The following DTNA variants were observed in gnomAD, a reference collection of about 807,000 sequenced individuals.
The protein encoded by DTNA is dystrophin-related protein 3.
A neutral mutation model predicts 100.7 loss-of-function variants in DTNA; 43 were observed. The ratio of observed to expected loss-of-function variants is 0.43; its 90% CI spans 0.33 to 0.55. DTNA has a LOEUF of 0.55. DTNA is among the 20% of genes least tolerant of loss of function. DTNA has a pLI of 0.04. For synonymous variants in DTNA, 349 were observed against 347.9 expected, an observed-to-expected ratio of 1.00 and a Z score of -0.04; for missense variants, 798 against 953.9, an observed-to-expected ratio of 0.84 and a Z score of 2.15.
At chr18:34,881,437 C>CTTTTTTTT (rs752828928) in intron 20 of DTNA, among the ~76,000 whole-genome samples, 26 of 51,400 alleles carry the variant, frequency 5.1e-4, no homozygotes, top group African/African-American at 1.8e-3. Flanking sequence ...AATTAAAATG[C>CTTTTTTTT]TTTTTTTTTT....
At chr18:34,807,646 A>C (rs949408546) in intron 5 of DTNA, among the ~76,000 whole-genome samples, 1 of 152,140 alleles carries the variant, frequency 6.6e-6, no homozygotes, top group African/African-American at 2.4e-5. Flanking sequence ...TCAGGTAGCC[A>C]CACAGCTTCC....
chr18:34,633,911 T>C (rs1390606525), intron 1 of DTNA, among the ~76,000 whole-genome samples: 1 of 152,202 alleles, frequency 6.6e-6, no homozygotes, highest in Non-Finnish European at 1.5e-5. Context: ...AGGAATAATA[T>C]CAATTTAATG....
intron 11 of DTNA, among the ~76,000 whole-genome samples, chr18:34,834,732 T>G (rs1292359432): frequency 6.6e-6 from 1 of 152,136 alleles, no homozygotes; most frequent in Non-Finnish European, 1.5e-5. Context: ...GAGTGAGACC[T>G]CACTCATTGC....
chr18:34,532,770 A>ATATATGTG (rs142935223), intron 1 of DTNA, among the ~76,000 whole-genome samples: 5 of 149,842 alleles, frequency 3.3e-5, no homozygotes, highest in Admixed American at 1.3e-4. Flanking sequence ...ATATATATAT[A>ATATATGTG]TGTGTGTGTG....
At chr18:34,767,269 G>T (rs1018526421) in intron 3 of DTNA, among the ~76,000 whole-genome samples, 4 of 152,048 alleles carry the variant, frequency 2.6e-5, no homozygotes, top group South Asian at 2.1e-4. Context: ...GTCTCTAGAA[G>T]ATGTTTCCTA....
In DTNA at chr18:34,761,798, C is replaced by T. The variant is rs1351358016; in HGVS notation, c.68-4163C>T. 2.6e-5 allele frequency among the ~76,000 whole-genome samples: 4 copies of T among 151,914 alleles called. No individual in the cohort carries two copies. In the South Asian group the frequency reaches 8.3e-4, roughly 32 times the overall value. Reference sequence around the variant, plus strand: ...TATCTCAACTCTTAATTATGTATGCCATCCCCCACTGTATTAGTATGAAGC... The same window carrying T: ...TATCTCAACTCTTAATTATGTATGCTATCCCCCACTGTATTAGTATGAAGC... On this transcript the variant is annotated intron_variant, in intron 2 of 22. Coordinates refer to ENST00000444659, the MANE Select transcript of DTNA (RefSeq NM_001386795.1).
In DTNA at chr18:34,829,402, T is replaced by C. The variant is rs546236565; in HGVS notation, c.1088T>C (p.Leu363Ser). The part of the protein sequence containing the change: ...SSGSPFITRR[L>S]PEGISASSPV... Reference sequence around the variant, plus strand: ...GTCTCATTGTTTGACTCCCTCAGGTTACCTGAGGGAATAAGTGCATCCAGC... The same window carrying C: ...GTCTCATTGTTTGACTCCCTCAGGTCACCTGAGGGAATAAGTGCATCCAGC... The change falls in exon 11 of 23, where the codon TTA (leucine) becomes TCA (serine). Residue 363 changes from leucine to serine, a missense_variant and splice_region_variant. Physicochemically the swap from Leu to Ser is moderately radical, Grantham distance 145. Coordinates refer to ENST00000444659, the MANE Select transcript of DTNA (RefSeq NM_001386795.1). 2.0e-4 allele frequency: 308 copies of C among 1,535,004 alleles called. No homozygotes were observed. The African/African-American group carries it at 3.6e-3, about 18-fold the overall frequency.
intron 21 of DTNA, among the ~76,000 whole-genome samples, chr18:34,883,368 G>A (rs911948354): frequency 1.3e-5 from 2 of 151,340 alleles, no homozygotes; most frequent in African/African-American, 4.9e-5. Context: ...CTGGAGTGCA[G>A]TTGCCCAATC....
At chr18:34,735,260 C>T (rs2089304364) in intron 1 of DTNA, among the ~76,000 whole-genome samples, 1 of 152,160 alleles carries the variant, frequency 6.6e-6, no homozygotes, top group South Asian at 2.1e-4. Flanking sequence ...TTGCTGGCAG[C>T]TGATTAGATT....
chr18:34,503,750 A>T, intron 1 of DTNA, among the ~76,000 whole-genome samples: 1 of 148,856 alleles, frequency 6.7e-6, no homozygotes, highest in Non-Finnish European at 1.5e-5. Context: ...TTTTCCTACC[A>T]TCCTGTTATT....
At chr18:34,623,695 C>CTATG (rs1343615325) in intron 1 of DTNA, among the ~76,000 whole-genome samples, 20 of 152,172 alleles carry the variant, frequency 1.3e-4, no homozygotes, top group African/African-American at 4.8e-4. Context: ...AGGCGGTGTG[C>CTATG]TATGTCCTGG....
At chr18:34,722,630 C>T (rs2085609511) in intron 1 of DTNA, among the ~76,000 whole-genome samples, 2 of 151,698 alleles carry the variant, frequency 1.3e-5, no homozygotes, top group East Asian at 1.9e-4. Flanking sequence ...CACACACACA[C>T]ATATCCTAAG....
At chr18:34,505,741 AT>A (rs2040425992) in intron 1 of DTNA, among the ~76,000 whole-genome samples, 1 of 152,112 alleles carries the variant, frequency 6.6e-6, no homozygotes, top group African/African-American at 2.4e-5. Context: ...TATTTGAAGC[AT>A]GTTTATAATC....
chr18:34,856,117 A>G (rs145923012), intron 15 of DTNA, among the ~76,000 whole-genome samples: 293 of 152,284 alleles, frequency 1.9e-3, no homozygotes, highest in African/African-American at 6.6e-3. Flanking sequence ...GTGAGAAGAG[A>G]TGGCGGAAAG....
intron 1 of DTNA, among the ~76,000 whole-genome samples, chr18:34,729,083 T>C (rs944234816): frequency 2.0e-5 from 3 of 152,074 alleles, no homozygotes; most frequent in Non-Finnish European, 4.4e-5. Context: ...GGAAAGGGAA[T>C]ATTGAAAAGA....
chr18:34,639,518 G>A (rs969992489), intron 1 of DTNA, among the ~76,000 whole-genome samples: 1 of 152,182 alleles, frequency 6.6e-6, no homozygotes, highest in African/African-American at 2.4e-5. Flanking sequence ...GCCTATTTAA[G>A]TATGATAGTC....
intron 1 of DTNA, among the ~76,000 whole-genome samples, chr18:34,651,928 G>A (rs528638156): frequency 1.3e-5 from 2 of 152,110 alleles, no homozygotes; most frequent in South Asian, 2.1e-4. Context: ...GCTGGGCATG[G>A]TAGCCCACAC....
At position 34,890,495 on chromosome 18, in the gene DTNA, CG is replaced by C. The variant is rs2096959723; in HGVS notation, c.*2766del. On this transcript the variant is annotated 3_prime_UTR_variant, in exon 23 of 23. Coordinates refer to ENST00000444659, the MANE Select transcript of DTNA (RefSeq NM_001386795.1). ...GTCCATTAGATACAACTACATCTTG[CG>C]GGGGTTGTTTCTTTCTTGTTCCACA... The C allele has an allele frequency of 1.3e-6, 2 of 1,532,694 alleles. No individual in the cohort carries two copies. The highest frequency in any genetic ancestry group is 4.9e-5 in the East Asian group (2 of 40,880). The allele number at this position is 1,532,694 out of a possible 1,614,324, so 94.9% of individuals were successfully genotyped here.
At chr18:34,669,750 T>G (rs1382483127) in intron 1 of DTNA, among the ~76,000 whole-genome samples, 3 of 152,180 alleles carry the variant, frequency 2.0e-5, no homozygotes, top group Non-Finnish European at 4.4e-5. Context: ...TGTTGAATAT[T>G]GGCCCCCACT....
Sources: gnomAD v4.1 joint callset for allele counts (sites outside exome capture counted in the v4.1 genomes callset) on GRCh38, gnomAD v4.1.1 for gene constraint, MANE v1.5 for transcripts, NCBI Gene and HGNC (gene_info 2026-07-23, HGNC 2026-07-21) for gene names.